PBRM1: variants seen among roughly 807,000 people sequenced by gnomAD.
PBRM1 encodes protein polybromo-1.
PBRM1 carries 27 observed loss-of-function variants against 194.5 expected under a neutral mutation model. The ratio of observed to expected loss-of-function variants is 0.14; its 90% CI spans 0.10 to 0.19. PBRM1 has a LOEUF of 0.19. Ranked by LOEUF, PBRM1 falls within the 10% of genes least tolerant of loss-of-function variation. PBRM1 has a pLI of 1.00. For synonymous variants in PBRM1, 655 were observed against 693.2 expected (o/e 0.94, Z 0.87); for missense variants, 1,466 against 2,077.2 (o/e 0.71, Z 5.72).
chr3:52,561,154 T>C (rs1297106382), intron 25 of PBRM1, among the ~76,000 whole-genome samples: 1 of 152,202 alleles, frequency 6.6e-6, no homozygotes, highest in Non-Finnish European at 1.5e-5. Context: ...TGTCTCTAAA[T>C]GGCTAAGAAC....
At chr3:52,550,269 C>G in intron 29 of PBRM1, 152 bp downstream of exon 31, 1 of 402,016 alleles carries the variant, frequency 2.5e-6, no homozygotes, top group Non-Finnish European at 4.3e-6. Flanking sequence ...CGTAAACATG[C>G]AAAGAAACTC....
intron 3 of PBRM1, 60 bp downstream of exon 4, chr3:52,668,438 A>G: frequency 8.2e-7 from 1 of 1,221,720 alleles, no homozygotes; most frequent in Non-Finnish European, 1.1e-6. Context: ...AATATTAAGA[A>G]GCCAATTATC....
At chr3:52,652,102 G>C (rs1369767666) in intron 5 of PBRM1, among the ~76,000 whole-genome samples, 1 of 152,326 alleles carries the variant, frequency 6.6e-6, no homozygotes, top group East Asian at 1.9e-4. Flanking sequence ...TCTAGGCTGG[G>C]GCCGGGTGCG....
intron 10 of PBRM1, among the ~76,000 whole-genome samples, chr3:52,640,576 C>T (rs59277755): frequency 0.029 from 4,338 of 151,508 alleles, 222 homozygotes; most frequent in African/African-American, 0.099. Flanking sequence ...TGGTCTTATC[C>T]ATCCTTTTAG....
intron 13 of PBRM1, among the ~76,000 whole-genome samples, chr3:52,618,599 T>G (rs1230649160): frequency 2.0e-5 from 3 of 151,200 alleles, no homozygotes; most frequent in East Asian, 1.9e-4. Flanking sequence ...TAGTTTTTTT[T>G]TTTTTTTTTT....
intron 1 of PBRM1, 39 bp from the exon 3 acceptor site, chr3:52,678,636 T>A (rs1376307210): frequency 1.5e-6 from 2 of 1,309,888 alleles, no homozygotes; most frequent in Non-Finnish European, 1.1e-6. Flanking sequence ...ACTAAAAAAG[T>A]GAACAGAAAG....
chr3:52,639,002 G>T (rs2095952716), intron 10 of PBRM1, among the ~76,000 whole-genome samples: 1 of 103,228 alleles, frequency 9.7e-6, no homozygotes, highest in Non-Finnish European at 1.9e-5. Flanking sequence ...GGGGGGGCGG[G>T]GGACAAAGTT....
rs531104917 is a variant in PBRM1 at position 52,598,130 on chromosome 3, CTATT to C, written c.2779+5387_2779+5390del. Among the ~76,000 whole-genome samples, 163 of 152,266 alleles carry C rather than the reference CTATT, an allele frequency of 1.1e-3. 2 individuals carry two copies. The highest frequency in any genetic ancestry group is 3.3e-3 in the African/African-American group (139 of 41,544). ...ATGATTCACACACCACATAATTCAC[CTATT>C]TAAAGTTCAATGGTTTTTGGTATAT... is the stretch of plus-strand genomic sequence containing the variant. On this transcript the variant is annotated intron_variant, in intron 17 of 29. Coordinates refer to ENST00000296302, the Ensembl canonical transcript of PBRM1.
intron 16 of PBRM1, among the ~76,000 whole-genome samples, chr3:52,606,680 T>C (rs1307602226): frequency 6.6e-6 from 1 of 152,102 alleles, no homozygotes. Context: ...TTCCCCTCAA[T>C]TGGTAATCTT....
chr3:52,549,055 C>T lies in PBRM1; in HGVS notation c.4898-820G>A, dbSNP rs796218758. On this transcript the variant is annotated intron_variant, in intron 29 of 29. Coordinates refer to ENST00000296302, the Ensembl canonical transcript of PBRM1. ...TTTTTTTTTTAGACAGAGTCTTATT[C>T]TGTCACCCAGGCTGGAGTGCAGTGG... Among the ~76,000 whole-genome samples the T allele has an allele frequency of 4.1e-3, 597 of 144,782 alleles. 1 individual carries two copies. The highest frequency in any genetic ancestry group is 0.014 in the African/African-American group (554 of 39,182). The allele number at this position is 144,782 out of a possible 152,430, so 95.0% of individuals were successfully genotyped here. A position where few individuals can be genotyped will look rare whatever the true frequency, so the allele number is the denominator to read the frequency against.
At chr3:52,653,522 G>A (rs189159564) in intron 5 of PBRM1, among the ~76,000 whole-genome samples, 1 of 151,714 alleles carries the variant, frequency 6.6e-6, no homozygotes, top group Non-Finnish European at 1.5e-5. Flanking sequence ...CTGGGAGGTG[G>A]AGGTTGCAGT....
At chr3:52,564,337 AC>A in intron 22 of PBRM1, 104 bp from the exon 25 acceptor site, 1 of 847,946 alleles carries the variant, frequency 1.2e-6, no homozygotes, top group Non-Finnish European at 1.9e-6. Flanking sequence ...CATATAATTA[AC>A]AATTTTAAAG....
chr3:52,662,365 C>G (rs2153932921), intron 3 of PBRM1, 89 bp from the exon 5 acceptor site: 1 of 1,118,602 alleles, frequency 8.9e-7, no homozygotes, highest in Non-Finnish European at 1.3e-6. Flanking sequence ...TCAGCAAAGA[C>G]CAAAAATTGT....
At chr3:52,583,282 C>T (rs1324266819) in intron 20 of PBRM1, among the ~76,000 whole-genome samples, 4 of 151,314 alleles carry the variant, frequency 2.6e-5, no homozygotes, top group African/African-American at 9.7e-5. Context: ...CGGTGGTGCA[C>T]ACCTGCAATC....
intron 26 of PBRM1, among the ~76,000 whole-genome samples, chr3:52,556,599 G>C (rs562425222): frequency 6.6e-6 from 1 of 152,322 alleles, no homozygotes; most frequent in African/African-American, 2.4e-5. Flanking sequence ...CTGTACTTTG[G>C]CATTTATTAT....
In PBRM1 at chr3:52,664,412, GAA is replaced by G. The variant is rs58727570; in HGVS notation, c.385-2138_385-2137del. On this transcript the variant is annotated intron_variant, in intron 3 of 29. Transcript: ENST00000296302. Reference sequence around the variant, plus strand: ...TTTCACCAAGAAAATTGAAAGAACTGAAAAAAAAAAAAAAAAAAGATTATCTA... The same window carrying G: ...TTTCACCAAGAAAATTGAAAGAACTGAAAAAAAAAAAAAAAAGATTATCTA... Among the ~76,000 whole-genome samples the G allele has an allele frequency of 5.6e-3, 571 of 101,160 alleles. 3 individuals carry two copies. Among genetic ancestry groups the G allele is most frequent in the South Asian group, 0.04 (101 of 2,532 alleles). The allele number at this position is 101,160 out of a possible 152,430, so 66.4% of individuals were successfully genotyped here.
At chr3:52,574,310 T>C (rs180972593) in intron 22 of PBRM1, among the ~76,000 whole-genome samples, 1 of 152,302 alleles carries the variant, frequency 6.6e-6, no homozygotes, top group Non-Finnish European at 1.5e-5. Flanking sequence ...AAAAGCAATA[T>C]TGTATTCACG....
intron 29 of PBRM1, among the ~76,000 whole-genome samples, chr3:52,548,830 C>A (rs1332636418): frequency 6.6e-6 from 1 of 152,240 alleles, no homozygotes; most frequent in East Asian, 1.9e-4. Flanking sequence ...AATATACCTT[C>A]TACTCTAAAG....
intron 17 of PBRM1, among the ~76,000 whole-genome samples, chr3:52,597,406 T>C (rs2093654468): frequency 1.3e-5 from 2 of 152,178 alleles, no homozygotes; most frequent in African/African-American, 4.8e-5. Context: ...GTATTAGATA[T>C]GTAATTTTTA....
Sources: gnomAD v4.1 joint callset for allele counts (sites outside exome capture counted in the v4.1 genomes callset) on GRCh38, gnomAD v4.1.1 for gene constraint, MANE v1.5 for transcripts, NCBI Gene and HGNC (gene_info 2026-07-23, HGNC 2026-07-21) for gene names.